The following ABLIM1 variants were observed in gnomAD, a reference collection of about 807,000 sequenced individuals.
ABLIM1 encodes actin-binding LIM protein 1.
Under a neutral mutation model 107.0 loss-of-function variants are expected in ABLIM1, and 40 were observed. The ratio of observed to expected loss-of-function variants is 0.37; its 90% CI spans 0.29 to 0.49. The LOEUF (loss-of-function observed/expected upper bound fraction) is 0.49, where lower values mean the gene tolerates loss of function less well. ABLIM1 is among the 20% of genes least tolerant of loss of function. The pLI is 0.97. For synonymous variants in ABLIM1, 357 were observed against 357.3 expected (o/e 1.00, Z 0.01); for missense variants, 857 against 1,008.5 (o/e 0.85, Z 2.04).
intron 1 of ABLIM1, among the ~76,000 whole-genome samples, chr10:114,730,830 C>T (rs2082057494): frequency 6.6e-6 from 1 of 152,186 alleles, no homozygotes; most frequent in East Asian, 1.9e-4. Context: ...TCCCCCTCCT[C>T]CAGGCCATGG....
At chr10:114,800,542 A>G in the ABLIM1 span, among the ~76,000 whole-genome samples, 1 of 152,188 alleles carries the variant, frequency 6.6e-6, no homozygotes, top group Non-Finnish European at 1.5e-5. Flanking sequence ...CACCACTCTT[A>G]TTATTTGCAT....
intron 1 of ABLIM1, among the ~76,000 whole-genome samples, chr10:114,705,604 A>G (rs1260800017): frequency 6.6e-6 from 1 of 152,180 alleles, no homozygotes; most frequent in Non-Finnish European, 1.5e-5. Context: ...AAATACAAGA[A>G]GTCATTCATT....
intron 1 of ABLIM1, among the ~76,000 whole-genome samples, chr10:114,740,887 T>C (rs1315707352): frequency 6.6e-6 from 1 of 151,600 alleles, no homozygotes; most frequent in Non-Finnish European, 1.5e-5. Context: ...CTACTAAAAA[T>C]ACAAAACTTA....
chr10:114,620,428 CAGA>C (rs2077394701), intron 1 of ABLIM1, among the ~76,000 whole-genome samples: 1 of 151,856 alleles, frequency 6.6e-6, no homozygotes, highest in African/African-American at 2.4e-5. Flanking sequence ...TTTTTTTCTT[CAGA>C]AGAAGTCTCA....
intron 1 of ABLIM1, among the ~76,000 whole-genome samples, chr10:114,730,810 C>G (rs966048075): frequency 2.6e-5 from 4 of 152,028 alleles, no homozygotes; most frequent in Non-Finnish European, 4.4e-5. Flanking sequence ...CATTTGCAGT[C>G]ACTCCTCATT....
intron 17 of ABLIM1, 68 bp from the exon 18 acceptor site, chr10:114,441,854 G>T: frequency 2.1e-6 from 3 of 1,409,118 alleles, no homozygotes; most frequent in South Asian, 1.2e-5. Context: ...AATGAAATTG[G>T]CAGTATCTTC....
chr10:114,658,167 TC>T lies in ABLIM1; in HGVS notation c.33del (p.Lys12AsnfsTer26), dbSNP rs1242691801. On this transcript the variant is annotated frameshift_variant, in exon 1 of 23. Coordinates refer to ENST00000533213, the MANE Select transcript of ABLIM1 (RefSeq NM_002313.7). LOFTEE classifies it high-confidence loss of function. Reference sequence around the variant, plus strand: ...TTGCTTTTCTCAGAGCTGCACAATTTCCCCAGACACTTTAGACCAAGGAAGG... The same window carrying T: ...TTGCTTTTCTCAGAGCTGCACAATTTCCCAGACACTTTAGACCAAGGAAGG... The part of the protein sequence containing the change: MPAFLGLKCL[G>X]KLCSSEKSKV... The T allele has an allele frequency of 1.2e-6, 2 of 1,613,270 alleles. No homozygotes were observed. Among genetic ancestry groups the T allele is most frequent in the East Asian group, 4.5e-5 (2 of 44,856 alleles).
At chr10:114,647,429 C>T (rs1473120854) in intron 1 of ABLIM1, among the ~76,000 whole-genome samples, 4 of 152,178 alleles carry the variant, frequency 2.6e-5, no homozygotes, top group South Asian at 2.1e-4. Context: ...ACTAGAATCA[C>T]ATGATAGCAC....
intron 8 of ABLIM1, among the ~76,000 whole-genome samples, chr10:114,486,731 TA>T (rs1422434577): frequency 2.6e-5 from 4 of 152,126 alleles, no homozygotes; most frequent in Non-Finnish European, 5.9e-5. Context: ...CCCCTCAACT[TA>T]AGTATGTTCA....
intron 3 of ABLIM1, among the ~76,000 whole-genome samples, chr10:114,573,876 G>A (rs985460647): frequency 1.3e-5 from 2 of 152,150 alleles, no homozygotes; most frequent in African/African-American, 4.8e-5. Flanking sequence ...CTCTTAACCA[G>A]GCTGTGTGCC....
upstream of ABLIM1, among the ~76,000 whole-genome samples, chr10:114,660,387 A>T (rs2141238179): frequency 6.6e-6 from 1 of 152,234 alleles, no homozygotes; most frequent in East Asian, 1.9e-4. Context: ...CTCAGAAAGC[A>T]CCACTACAGA....
At chr10:114,565,412 C>G (rs901613467) in intron 4 of ABLIM1, among the ~76,000 whole-genome samples, 2 of 152,148 alleles carry the variant, frequency 1.3e-5, no homozygotes, top group African/African-American at 4.8e-5. Context: ...GAAGTCAGTG[C>G]CTGAACAGTA....
At chr10:114,645,245 A>T (rs976809927) in intron 1 of ABLIM1, among the ~76,000 whole-genome samples, 1 of 151,976 alleles carries the variant, frequency 6.6e-6, no homozygotes, top group Non-Finnish European at 1.5e-5. Flanking sequence ...GGTGATGGGG[A>T]GGTGGTAGAT....
At chr10:114,717,742 C>A (rs2081705268) in intron 1 of ABLIM1, among the ~76,000 whole-genome samples, 1 of 151,918 alleles carries the variant, frequency 6.6e-6, no homozygotes, top group Non-Finnish European at 1.5e-5. Context: ...TGGCAAAACC[C>A]TGTCTCTACA....
chr10:114,751,193 C>A (rs375609734), intron 1 of ABLIM1, among the ~76,000 whole-genome samples: 3 of 151,750 alleles, frequency 2.0e-5, no homozygotes, highest in Non-Finnish European at 2.9e-5. Context: ...GTACCAGAAA[C>A]GTTAGGAGGC....
At chr10:114,586,041 A>G (rs535911143) in intron 2 of ABLIM1, among the ~76,000 whole-genome samples, 1 of 152,324 alleles carries the variant, frequency 6.6e-6, no homozygotes, top group East Asian at 1.9e-4. Context: ...CCCTGTGTCC[A>G]GAGCCAAGTT....
At chr10:114,677,785 A>T (rs554937690) in intron 1 of ABLIM1, among the ~76,000 whole-genome samples, 10 of 152,202 alleles carry the variant, frequency 6.6e-5, no homozygotes, top group Non-Finnish European at 1.3e-4. Context: ...AAAAATAAAA[A>T]TAAAAAAGAA....
At chr10:114,691,233 C>T (rs890163805) in intron 1 of ABLIM1, among the ~76,000 whole-genome samples, 1 of 152,160 alleles carries the variant, frequency 6.6e-6, no homozygotes, top group Non-Finnish European at 1.5e-5. Flanking sequence ...ATGGCTCCAC[C>T]TCAACATTCT....
intron 2 of ABLIM1, among the ~76,000 whole-genome samples, chr10:114,592,132 A>C (rs1382837318): frequency 6.6e-6 from 1 of 152,214 alleles, no homozygotes; most frequent in South Asian, 2.1e-4. Context: ...AACCATACAT[A>C]ACTTATATAA....
Sources: gnomAD v4.1 joint callset for allele counts (sites outside exome capture counted in the v4.1 genomes callset) on GRCh38, gnomAD v4.1.1 for gene constraint, MANE v1.5 for transcripts, NCBI Gene and HGNC (gene_info 2026-07-23, HGNC 2026-07-21) for gene names.